Variants in RBFOX1 observed in about 807,000 individuals in gnomAD.
The protein encoded by RBFOX1 is RNA binding protein fox-1 homolog 1.
RBFOX1 carries 8 observed loss-of-function variants against 57.7 expected under a neutral mutation model. The ratio of observed to expected loss-of-function variants is 0.14; its 90% confidence interval spans 0.08 to 0.25. The LOEUF is 0.25. Ranked by LOEUF, RBFOX1 falls within the 10% of genes least tolerant of loss-of-function variation. RBFOX1 has a pLI of 1.00. For missense variants in RBFOX1, 611 were observed against 548.5 expected (o/e 1.11, Z -1.14); for synonymous variants, 326 against 222.4 (o/e 1.47, Z -4.15).
chr16:7,251,166 C>G (rs1451796222), intron 4 of RBFOX1, among the ~76,000 whole-genome samples: 1 of 152,096 alleles, frequency 6.6e-6, no homozygotes, highest in Admixed American at 6.5e-5. Context: ...CCAACCCTCA[C>G]CAACCCCAAT....
intron 2 of RBFOX1, among the ~76,000 whole-genome samples, chr16:6,612,590 A>G (rs12927457): frequency 0.24 from 36,021 of 151,946 alleles, 4,419 homozygotes; most frequent in Middle Eastern, 0.27. Context: ...AGTTGGTCAC[A>G]CCTGTAATCC....
At chr16:6,567,262 T>C (rs2097279976) in intron 2 of RBFOX1, among the ~76,000 whole-genome samples, 1 of 152,208 alleles carries the variant, frequency 6.6e-6, no homozygotes. Flanking sequence ...ATACGGTATC[T>C]TATTTCATCC....
In RBFOX1 at chr16:5,448,038, G is replaced by A. The variant is rs538789860; in HGVS notation, c.220-19178G>A. 5.3e-5 allele frequency among the ~76,000 whole-genome samples: 8 copies of A among 152,294 alleles called. 1 individual carries two copies. The highest frequency in any genetic ancestry group is 1.9e-4 in the African/African-American group (8 of 41,554). ...TGAATCTGGGGGTGGAGTCACATGG[G>A]GGAACAGGCTATCATGGGAAGTGAA... is the stretch of plus-strand genomic sequence containing the variant. On this transcript the variant is annotated intron_variant, in intron 1 of 2. Coordinates refer to the RBFOX1 transcript ENST00000585867.
At chr16:5,656,933 G>T (rs1182811243) in intron 3 of RBFOX1, among the ~76,000 whole-genome samples, 2 of 152,138 alleles carry the variant, frequency 1.3e-5, no homozygotes, top group Non-Finnish European at 2.9e-5. Context: ...GACCTGTCAG[G>T]GGGTGGGGAG....
rs1244378386 is a variant in RBFOX1, at chr16:6,584,116, A to G, written c.-63-70487A>G. On this transcript the variant is annotated intron_variant, in intron 2 of 15. Coordinates refer to ENST00000550418, the MANE Select transcript of RBFOX1 (RefSeq NM_018723.4). ...ATTCAGAAAGAAACGTAACCAAGTCAGAGTCTCCTAATGTATTCTGTGTTC... is the reference window on the plus strand; with the variant it reads ...ATTCAGAAAGAAACGTAACCAAGTCGGAGTCTCCTAATGTATTCTGTGTTC... Among the ~76,000 whole-genome samples the G allele has an allele frequency of 2.6e-5, 4 of 152,026 alleles. 1 individual carries two copies. The South Asian group carries it at 6.2e-4, about 24-fold the overall frequency.
chr16:7,640,417 C>G (rs17144422), intron 11 of RBFOX1, among the ~76,000 whole-genome samples: 1 of 152,094 alleles, frequency 6.6e-6, no homozygotes, highest in African/African-American at 2.4e-5. Context: ...TGCAAAAGGC[C>G]GCCAGTTGCA....
intron 4 of RBFOX1, among the ~76,000 whole-genome samples, chr16:7,304,844 TC>T (rs1174050436): frequency 2.6e-5 from 4 of 151,964 alleles, no homozygotes; most frequent in African/African-American, 9.7e-5. Flanking sequence ...GTGGAGGCAT[TC>T]CGGTGCCTGT....
At chr16:7,290,497 A>C (rs1447226444) in intron 4 of RBFOX1, among the ~76,000 whole-genome samples, 2 of 152,228 alleles carry the variant, frequency 1.3e-5, no homozygotes, top group Admixed American at 6.5e-5. Context: ...CTTCGCACAG[A>C]CACTATTTTC....
chr16:6,926,079 G>A (rs146777432), intron 3 of RBFOX1, among the ~76,000 whole-genome samples: 9 of 152,132 alleles, frequency 5.9e-5, no homozygotes, highest in African/African-American at 1.9e-4. Flanking sequence ...GCCGAGGTGG[G>A]TTGATCACTT....
At chr16:7,583,972 A>G (rs141516975) in intron 6 of RBFOX1, among the ~76,000 whole-genome samples, 1 of 152,196 alleles carries the variant, frequency 6.6e-6, no homozygotes, top group Admixed American at 6.5e-5. Flanking sequence ...TTTAGTCACG[A>G]GACGGGCTTG....
chr16:5,812,312 G>T (rs1259938397), intron 3 of RBFOX1, among the ~76,000 whole-genome samples: 1 of 152,168 alleles, frequency 6.6e-6, no homozygotes, highest in South Asian at 2.1e-4. Context: ...AAGTAGAAAG[G>T]CTGGATCATT....
rs141064776 is a variant in RBFOX1, at chr16:6,300,692, C to T, written c.-126-16303C>T. The stretch of plus-strand genomic sequence containing the variant: ...GATTCCCTCATATGGCATGGGGCTT[C>T]GTGCATCTAGCTTGTAGCCCTACTC... On this transcript the variant is annotated intron_variant, in intron 1 of 15. Transcript: ENST00000550418. Among the ~76,000 whole-genome samples, 1,345 of 152,284 alleles carry T rather than the reference C, an allele frequency of 8.8e-3. 27 individuals are homozygous for T. The highest frequency in any genetic ancestry group is 0.03 in the African/African-American group (1,258 of 41,542).
chr16:6,966,036 C>G (rs2084070327), intron 3 of RBFOX1, among the ~76,000 whole-genome samples: 1 of 152,076 alleles, frequency 6.6e-6, no homozygotes, highest in Admixed American at 6.5e-5. Context: ...GATACGTTTT[C>G]TTATCTTAGA....
chr16:6,282,831 G>A (rs910567959), intron 1 of RBFOX1, among the ~76,000 whole-genome samples: 1 of 152,132 alleles, frequency 6.6e-6, no homozygotes, highest in Non-Finnish European at 1.5e-5. Flanking sequence ...CATCAACAAG[G>A]TCTAATAATT....
chr16:5,697,831 G>A (rs1194036754), intron 3 of RBFOX1, among the ~76,000 whole-genome samples: 1 of 152,088 alleles, frequency 6.6e-6, no homozygotes, highest in African/African-American at 2.4e-5. Context: ...ACATTAGTGG[G>A]AGTCCATCTA....
intron 2 of RBFOX1, among the ~76,000 whole-genome samples, chr16:6,630,295 G>A (rs980990477): frequency 3.9e-5 from 6 of 152,146 alleles, no homozygotes; most frequent in African/African-American, 1.4e-4. Flanking sequence ...GAATGGAAAA[G>A]AGAAAGGAGA....
chr16:5,919,021 C>T (rs1382614563), intron 4 of RBFOX1, among the ~76,000 whole-genome samples: 2 of 152,184 alleles, frequency 1.3e-5, no homozygotes, highest in African/African-American at 4.8e-5. Flanking sequence ...GATAATTTGC[C>T]TCTCAGGAAG....
intron 1 of RBFOX1, among the ~76,000 whole-genome samples, chr16:6,024,294 G>T (rs112024259): frequency 6.6e-6 from 1 of 152,102 alleles, no homozygotes; most frequent in Non-Finnish European, 1.5e-5. Context: ...TTATATTGTC[G>T]TGGGGGAAGC....
intron 2 of RBFOX1, among the ~76,000 whole-genome samples, chr16:6,634,747 T>TATA (rs376633910): frequency 5.6e-5 from 3 of 53,682 alleles, no homozygotes; most frequent in Non-Finnish European, 4.9e-5. Context: ...GTATTAAATA[T>TATA]ACAAAGATAT....
Sources: gnomAD v4.1 joint callset for allele counts (sites outside exome capture counted in the v4.1 genomes callset) on GRCh38, gnomAD v4.1.1 for gene constraint, MANE v1.5 for transcripts, NCBI Gene and HGNC (gene_info 2026-07-23, HGNC 2026-07-21) for gene names.